Variants in NTM observed in about 807,000 individuals in gnomAD.
The protein encoded by NTM is neurotrimin.
NTM carries 13 observed loss-of-function variants against 42.1 expected under a neutral mutation model. The ratio of observed to expected loss-of-function variants is 0.31; its 90% CI spans 0.20 to 0.49. The LOEUF (loss-of-function observed/expected upper bound fraction) is 0.49, where lower values mean the gene tolerates loss of function less well. Among genes scored for constraint, NTM ranks in the 20% least tolerant of loss-of-function variants. The pLI, the probability that NTM is intolerant of heterozygous loss-of-function variation, is 0.99. For missense variants in NTM, 373 were observed against 452.8 expected (o/e 0.82, Z 1.60); for synonymous variants, 187 against 179.2 (o/e 1.04, Z -0.35).
chr11:131,521,240 G>A (rs1238450654), intron 1 of NTM, among the ~76,000 whole-genome samples: 2 of 150,872 alleles, frequency 1.3e-5, no homozygotes, highest in South Asian at 2.1e-4. Flanking sequence ...ACTTGGACCC[G>A]GGAAGTGGAG....
At position 131,700,615 on chromosome 11, in the gene NTM, C is replaced by T. The variant is rs552442467; in HGVS notation, c.83-210949C>T. ...CACATATTAATCCATTTAATCCTTA[C>T]AGCAACCCTTTCAGGAAGGTGCTAG... On this transcript the variant is annotated intron_variant, in intron 1 of 8. Coordinates refer to ENST00000683400, the MANE Select transcript of NTM (RefSeq NM_001352005.2). Among the ~76,000 whole-genome samples the T allele has an allele frequency of 3.3e-4, 50 of 152,342 alleles. No individual in the cohort carries two copies. In the Middle Eastern group the frequency reaches 0.02, roughly 62 times the overall value.
At chr11:131,721,168 C>T (rs1296629616) in intron 1 of NTM, among the ~76,000 whole-genome samples, 2 of 152,078 alleles carry the variant, frequency 1.3e-5, no homozygotes, top group Non-Finnish European at 2.9e-5. Context: ...TAAGTGACCC[C>T]GGGAAACCAG....
At chr11:131,859,936 T>C (rs1260110540) in intron 1 of NTM, among the ~76,000 whole-genome samples, 2 of 152,082 alleles carry the variant, frequency 1.3e-5, no homozygotes, top group Non-Finnish European at 2.9e-5. Flanking sequence ...TCCCCTTTTC[T>C]CACTTCCTCC....
intron 1 of NTM, among the ~76,000 whole-genome samples, chr11:131,764,610 A>C (rs549312175): frequency 1.3e-5 from 2 of 152,202 alleles, no homozygotes; most frequent in Non-Finnish European, 2.9e-5. Flanking sequence ...TTCTGATATC[A>C]AAAAAGGGGA....
chr11:131,861,774 T>C (rs947806527), intron 1 of NTM, among the ~76,000 whole-genome samples: 4 of 152,058 alleles, frequency 2.6e-5, no homozygotes, highest in African/African-American at 7.2e-5. Flanking sequence ...AAAAAAGGTG[T>C]TGTAGGCCAC....
At chr11:131,812,597 G>A (rs1202022894) in intron 1 of NTM, among the ~76,000 whole-genome samples, 1 of 152,086 alleles carries the variant, frequency 6.6e-6, no homozygotes, top group African/African-American at 2.4e-5. Context: ...GAGAAGGAAA[G>A]AGCCTCCCAC....
intron 4 of NTM, among the ~76,000 whole-genome samples, chr11:132,288,280 T>C (rs1385640774): frequency 6.6e-6 from 1 of 152,188 alleles, no homozygotes; most frequent in Non-Finnish European, 1.5e-5. Flanking sequence ...GGAGAGAATA[T>C]GGAGTTTCTC....
chr11:132,037,893 C>T (rs2076702382), intron 2 of NTM, among the ~76,000 whole-genome samples: 1 of 152,226 alleles, frequency 6.6e-6, no homozygotes, highest in Non-Finnish European at 1.5e-5. Context: ...AGTCTCATTG[C>T]TGTTAAACTG....
chr11:131,668,250 CTCTATCTATCTATCTA>C (rs10667464), intron 1 of NTM, among the ~76,000 whole-genome samples: 5 of 147,794 alleles, frequency 3.4e-5, no homozygotes, highest in Admixed American at 6.8e-5. Flanking sequence ...GTATATCTAC[CTCTATCTATCTATCTA>C]TCTATCTATC....
intron 2 of NTM, among the ~76,000 whole-genome samples, chr11:132,114,016 T>C (rs2063561490): frequency 6.6e-6 from 1 of 152,204 alleles, no homozygotes; most frequent in Admixed American, 6.5e-5. Context: ...TGGAAGGATG[T>C]TTTTTCATAT....
intron 8 of NTM, 86 bp downstream of exon 8, chr11:132,330,271 T>TG: frequency 2.1e-6 from 3 of 1,459,856 alleles, no homozygotes; most frequent in Non-Finnish European, 2.8e-6. Flanking sequence ...CCTTCTTTCC[T>TG]GAGCTAACTC....
At chr11:132,183,507 A>G (rs1441457337) in intron 3 of NTM, among the ~76,000 whole-genome samples, 3 of 151,948 alleles carry the variant, frequency 2.0e-5, no homozygotes, top group Admixed American at 6.6e-5. Flanking sequence ...TAGTTATGAG[A>G]CTCTGGAGCC....
intron 2 of NTM, among the ~76,000 whole-genome samples, chr11:132,062,188 A>G (rs1190333842): frequency 6.6e-6 from 1 of 152,222 alleles, no homozygotes; most frequent in South Asian, 2.1e-4. Context: ...TGAGGTCAGT[A>G]ACAGTAAACC....
chr11:131,815,647 C>A (rs900001898), intron 1 of NTM, among the ~76,000 whole-genome samples: 2 of 152,118 alleles, frequency 1.3e-5, no homozygotes, highest in African/African-American at 4.8e-5. Flanking sequence ...CTGCTGCCCG[C>A]GCCTCTCCCC....
chr11:132,293,061 A>G (rs2094502986), intron 4 of NTM, among the ~76,000 whole-genome samples: 1 of 152,120 alleles, frequency 6.6e-6, no homozygotes, highest in Non-Finnish European at 1.5e-5. Context: ...TTTTTGACGG[A>G]TTGTACTTCT....
chr11:132,310,034 C>T (rs1378767450), intron 5 of NTM, 78 bp from the exon 6 acceptor site: 1 of 1,471,906 alleles, frequency 6.8e-7, no homozygotes, highest in African/African-American at 1.5e-5. Context: ...CCAGCCTGAG[C>T]CACAAGAGCA....
chr11:132,095,458 G>C (rs1167352253), intron 2 of NTM, among the ~76,000 whole-genome samples: 1 of 152,170 alleles, frequency 6.6e-6, no homozygotes, highest in Non-Finnish European at 1.5e-5. Context: ...GCACAAGGCT[G>C]TAAGTGGTGT....
rs144620372 is a variant in NTM at position 131,974,022 on chromosome 11, G to A, written c.167+62374G>A. On this transcript the variant is annotated intron_variant, in intron 2 of 8. Transcript: ENST00000683400. ...TTCAGATGATTCACTTCCACTTCAT[G>A]AGTAGTACATATATTTTTTCTTTCT... Among the ~76,000 whole-genome samples the A allele has an allele frequency of 1.5e-4, 23 of 152,166 alleles. 1 individual carries two copies. The East Asian group carries it at 3.9e-3, about 26-fold the overall frequency.
intron 3 of NTM, among the ~76,000 whole-genome samples, chr11:132,165,619 G>T (rs2137722352): frequency 6.6e-6 from 1 of 152,230 alleles, no homozygotes; most frequent in East Asian, 1.9e-4. Context: ...ACAATTTTAG[G>T]TGAGGAAACT....
Sources: allele counts gnomAD v4.1 joint callset (sites outside exome capture counted in the v4.1 genomes callset), GRCh38; gene constraint gnomAD v4.1.1; transcripts MANE v1.5; gene names NCBI Gene and HGNC (gene_info 2026-07-23, HGNC 2026-07-21).